PTPRQ: variants seen among roughly 807,000 people sequenced by gnomAD.
PTPRQ encodes the protein protein tyrosine phosphatase receptor type Q, also known as phosphatidylinositol phosphatase PTPRQ.
A neutral mutation model predicts 246.0 loss-of-function variants in PTPRQ; 199 were observed. The observed-to-expected ratio is 0.81, with a 90% CI of 0.72 to 0.91. PTPRQ has a LOEUF of 0.91. Ranked by LOEUF, PTPRQ falls within the 40% of genes least tolerant of loss-of-function variation. The pLI is 0.00. For missense variants in PTPRQ, 2,624 were observed against 2,528.4 expected (o/e 1.04, Z -0.81); for synonymous variants, 869 against 853.2 (o/e 1.02, Z -0.32).
In PTPRQ at chr12:80,658,022, T is replaced by C; in HGVS notation, c.6153T>C (p.Ser2051=). 1.4e-6 allele frequency: 2 copies of C among 1,443,318 alleles called. No homozygotes were observed. Among genetic ancestry groups the C allele is most frequent in the Non-Finnish European group, 9.1e-7 (1 of 1,095,626 alleles). 89.4% of individuals were successfully genotyped at this position (1,443,318 alleles called of 1,614,324 possible). A position where few individuals can be genotyped will look rare whatever the true frequency, so the allele number is the denominator to read the frequency against. Residue 2051 remains serine, a synonymous_variant, in exon 39 of 45, where the codon AGT becomes AGC. Coordinates refer to ENST00000644991, the MANE Select transcript of PTPRQ (RefSeq NM_001145026.2). ...GAGTAAAGCTGATAGCTGACGCTAG[T>C]GTTCCAGGTTCGGATTATATTAATG... ...NNRVKLIADA[S]VPGSDYINAS...
intron 3 of PTPRQ, among the ~76,000 whole-genome samples, chr12:80,452,337 T>C (rs1892793294): frequency 6.6e-6 from 1 of 152,018 alleles, no homozygotes; most frequent in Non-Finnish European, 1.5e-5. Flanking sequence ...GTCTGTGTCT[T>C]TTAATTGGAG....
At chr12:80,480,549 C>A (rs1198725487) in intron 8 of PTPRQ, among the ~76,000 whole-genome samples, 2 of 144,760 alleles carry the variant, frequency 1.4e-5, no homozygotes, top group Non-Finnish European at 3.0e-5. Flanking sequence ...GAAACAGAGA[C>A]ACAAAAAACC....
chr12:80,633,034 G>A lies in PTPRQ; in HGVS notation c.5786+743G>A, dbSNP rs1419153703. Among the ~76,000 whole-genome samples the A allele has an allele frequency of 2.0e-5, 3 of 152,196 alleles. No individual in the cohort carries two copies. The South Asian group carries it at 6.2e-4, about 32-fold the overall frequency. ...TTTCCTCTTCCTACTGCCTCTCAGG[G>A]TCACTCTAGTGCCCTCTATTGACAA... On this transcript the variant is annotated intron_variant, in intron 34 of 44. Transcript: ENST00000644991.
At chr12:80,563,425 T>C (rs1427908305) in intron 25 of PTPRQ, among the ~76,000 whole-genome samples, 1 of 151,964 alleles carries the variant, frequency 6.6e-6, no homozygotes, top group Non-Finnish European at 1.5e-5. Context: ...ATCCCACTCG[T>C]GAGGGCAGAG....
At chr12:80,472,061 C>A in intron 7 of PTPRQ, 44 bp from the exon 8 acceptor site, 2 of 1,548,992 alleles carry the variant, frequency 1.3e-6, no homozygotes, top group Non-Finnish European at 8.7e-7. Flanking sequence ...CATGATTGCA[C>A]GCTTGATAAA....
intron 17 of PTPRQ, among the ~76,000 whole-genome samples, chr12:80,513,641 G>A (rs554751841): frequency 5.3e-4 from 80 of 152,230 alleles, no homozygotes; most frequent in African/African-American, 1.9e-3. Context: ...GCGCTAGGCA[G>A]AGACCCGCCC....
At chr12:80,668,035 T>A (rs1425461696) in intron 39 of PTPRQ, among the ~76,000 whole-genome samples, 1 of 151,936 alleles carries the variant, frequency 6.6e-6, no homozygotes, top group Non-Finnish European at 1.5e-5. Context: ...CCTGGAAAAT[T>A]TAAATATATG....
At chr12:80,479,001 G>A (rs371013885) in intron 8 of PTPRQ, among the ~76,000 whole-genome samples, 3,791 of 151,572 alleles carry the variant, frequency 0.025, 41 homozygotes, top group Middle Eastern at 0.065. Context: ...GCAGGCCAAC[G>A]TTCAGATTCA....
chr12:80,454,102 A>G (rs1892877911), intron 3 of PTPRQ, among the ~76,000 whole-genome samples: 1 of 112,656 alleles, frequency 8.9e-6, no homozygotes, highest in Admixed American at 8.7e-5. Flanking sequence ...CCTCGCTGCC[A>G]CCTTGCAGTT....
At chr12:80,538,859 A>T (rs1338879610) in intron 19 of PTPRQ, among the ~76,000 whole-genome samples, 1 of 152,036 alleles carries the variant, frequency 6.6e-6, no homozygotes, top group Non-Finnish European at 1.5e-5. Context: ...AGTGGAGATG[A>T]TTATTTCCAT....
At chr12:80,460,052 T>C (rs1249332684) in intron 5 of PTPRQ, among the ~76,000 whole-genome samples, 3 of 152,192 alleles carry the variant, frequency 2.0e-5, no homozygotes, top group African/African-American at 7.2e-5. Flanking sequence ...ATAAGCATCG[T>C]CATTTTAATT....
At position 80,632,213 on chromosome 12, in the gene PTPRQ, C is replaced by T. The variant is rs866841382; in HGVS notation, c.5708C>T (p.Thr1903Ile). The part of the protein sequence containing the change: ...KTLGEGLSER[T>I]VEIILSVTLC... ...CCAGGGGAAGGACTTTCAGAAAGAA[C>T]CGTAGAGATCATTCTTTCCGTCACT... Residue 1903 changes from threonine to isoleucine, a missense_variant, in exon 34 of 45, where the codon ACC (threonine) becomes ATC (isoleucine). Coordinates refer to ENST00000644991, the MANE Select transcript of PTPRQ (RefSeq NM_001145026.2). 1 of 1,551,390 alleles carries T rather than the reference C, an allele frequency of 6.4e-7. No homozygotes were observed.
chr12:80,484,582 A>G lies in PTPRQ; in HGVS notation c.1336A>G (p.Thr446Ala), dbSNP rs961025926. The change falls in exon 9 of 45, where the codon ACT (threonine) becomes GCT (alanine). Residue 446 changes from threonine to alanine, a missense_variant. By Grantham distance (58) the Thr-to-Ala change is moderately conservative (BLOSUM62 0). Coordinates refer to ENST00000644991, the MANE Select transcript of PTPRQ (RefSeq NM_001145026.2). ...VPETGIILEN[T>A]LLTGNNEYIN... ...AGAGACAGGAATAATTTTGGAAAAT[A>G]CTTTGCTCACTGGAAATAATGAGGT... The G allele has an allele frequency of 6.5e-7, 1 of 1,550,138 alleles. No homozygotes were observed. Among genetic ancestry groups the G allele is most frequent in the Non-Finnish European group, 8.7e-7 (1 of 1,146,590 alleles).
At chr12:80,515,160 T>C (rs186872879) in intron 17 of PTPRQ, among the ~76,000 whole-genome samples, 7 of 152,114 alleles carry the variant, frequency 4.6e-5, no homozygotes, top group African/African-American at 1.7e-4. Context: ...TTGGGGACTC[T>C]TACCATAATC....
intron 26 of PTPRQ, among the ~76,000 whole-genome samples, chr12:80,604,150 A>G (rs1189911514): frequency 6.6e-6 from 1 of 151,488 alleles, no homozygotes; most frequent in Non-Finnish European, 1.5e-5. Flanking sequence ...TTTTTCAATA[A>G]TGTTTGCCCA....
At chr12:80,484,089 T>C (rs959124833) in intron 8 of PTPRQ, among the ~76,000 whole-genome samples, 2 of 152,072 alleles carry the variant, frequency 1.3e-5, no homozygotes, top group Non-Finnish European at 2.9e-5. Flanking sequence ...CACTGTAACC[T>C]CCGCCTCTTG....
chr12:80,502,165 G>A (rs1894818096), intron 14 of PTPRQ, among the ~76,000 whole-genome samples: 1 of 151,880 alleles, frequency 6.6e-6, no homozygotes, highest in African/African-American at 2.4e-5. Context: ...TGCAGACGTG[G>A]AGGGATAGAG....
At chr12:80,594,927 C>T (rs971349785) in intron 26 of PTPRQ, among the ~76,000 whole-genome samples, 1 of 152,148 alleles carries the variant, frequency 6.6e-6, no homozygotes, top group Non-Finnish European at 1.5e-5. Flanking sequence ...TGAATTTCCT[C>T]TGCTGAAAAT....
intron 9 of PTPRQ, among the ~76,000 whole-genome samples, chr12:80,490,976 A>G (rs1894429531): frequency 6.6e-6 from 1 of 151,974 alleles, no homozygotes; most frequent in Non-Finnish European, 1.5e-5. Context: ...ACTTAGTGAT[A>G]ACATTCTGGG....
Sources: allele counts gnomAD v4.1 joint callset (sites outside exome capture counted in the v4.1 genomes callset), GRCh38; gene constraint gnomAD v4.1.1; transcripts MANE v1.5; gene names NCBI Gene and HGNC (gene_info 2026-07-23, HGNC 2026-07-21).